The following ERC2 variants were observed in gnomAD, a reference collection of about 807,000 sequenced individuals.
The protein encoded by ERC2 is ERC protein 2.
Under a neutral mutation model 114.8 loss-of-function variants are expected in ERC2, and 42 were observed. That is an observed-to-expected ratio of 0.37 (90% CI 0.29 to 0.47). ERC2 has a LOEUF of 0.47. ERC2 is among the 20% of genes least tolerant of loss of function. ERC2 has a pLI of 0.99. For synonymous variants in ERC2, 454 were observed against 425.5 expected (o/e 1.07, Z -0.82); for missense variants, 939 against 1,150.7 (o/e 0.82, Z 2.66).
At chr3:56,091,210 G>A (rs2077769753) in intron 6 of ERC2, among the ~76,000 whole-genome samples, 1 of 152,094 alleles carries the variant, frequency 6.6e-6, no homozygotes, top group South Asian at 2.1e-4. Context: ...GATGGAGGTG[G>A]TGGAGAGGGG....
At chr3:56,346,647 C>T (rs149225925) in intron 2 of ERC2, among the ~76,000 whole-genome samples, 3 of 152,310 alleles carry the variant, frequency 2.0e-5, no homozygotes, top group African/African-American at 7.2e-5. Context: ...ATGGGCTATA[C>T]AGTTTGTCAA....
At chr3:56,029,637 A>C (rs570081400) in intron 7 of ERC2, among the ~76,000 whole-genome samples, 2 of 152,086 alleles carry the variant, frequency 1.3e-5, no homozygotes, top group Non-Finnish European at 2.9e-5. Flanking sequence ...GTATTCTTCT[A>C]TTAGGTTGCT....
intron 2 of ERC2, among the ~76,000 whole-genome samples, chr3:56,350,929 T>C (rs1288035404): frequency 6.6e-6 from 1 of 152,204 alleles, no homozygotes; most frequent in Non-Finnish European, 1.5e-5. Flanking sequence ...GCAGGCTTTA[T>C]GTAAATTTTA....
intron 17 of ERC2, among the ~76,000 whole-genome samples, chr3:55,603,643 C>CAAAAAAA (rs34016147): frequency 1.5e-5 from 1 of 67,384 alleles, no homozygotes; most frequent in Non-Finnish European, 3.0e-5. Flanking sequence ...GACTCTGTCT[C>CAAAAAAA]AAAAAAAAAA....
At chr3:56,025,173 T>C (rs945502546) in intron 7 of ERC2, among the ~76,000 whole-genome samples, 1 of 152,206 alleles carries the variant, frequency 6.6e-6, no homozygotes, top group African/African-American at 2.4e-5. Flanking sequence ...TTTTGCAGAA[T>C]GCCAAGGATG....
intron 17 of ERC2, among the ~76,000 whole-genome samples, chr3:55,527,789 C>G (rs1046155098): frequency 5.3e-5 from 8 of 152,138 alleles, no homozygotes; most frequent in Non-Finnish European, 8.8e-5. Context: ...GAGCTAAAAA[C>G]TATAGGATGG....
intron 12 of ERC2, among the ~76,000 whole-genome samples, chr3:55,956,698 A>G (rs9812727): frequency 0.89 from 135,368 of 152,160 alleles, 60,327 homozygotes; most frequent in East Asian, 1. Flanking sequence ...GCCAGATCTC[A>G]TGGACTTTTG....
At chr3:55,663,823 C>T (rs1307154404) in intron 17 of ERC2, among the ~76,000 whole-genome samples, 5 of 152,068 alleles carry the variant, frequency 3.3e-5, no homozygotes, top group African/African-American at 7.2e-5. Flanking sequence ...CCACACTGTC[C>T]CCCAGGACTC....
chr3:56,058,592 A>T (rs554535415), intron 7 of ERC2, among the ~76,000 whole-genome samples: 2 of 152,334 alleles, frequency 1.3e-5, no homozygotes, highest in African/African-American at 4.8e-5. Flanking sequence ...GTGGACTTTA[A>T]GTAAGCAGAT....
intron 6 of ERC2, among the ~76,000 whole-genome samples, chr3:56,093,106 C>A (rs113287639): frequency 3.9e-5 from 6 of 152,198 alleles, no homozygotes; most frequent in African/African-American, 1.4e-4. Flanking sequence ...AGGGTTAAAC[C>A]CATGTTTTAG....
rs1448813882 is a variant in ERC2 at position 55,764,912 on chromosome 3, G to A, written c.2565-29994C>T. Among the ~76,000 whole-genome samples, 4 of 152,128 alleles carry A rather than the reference G, an allele frequency of 2.6e-5. No individual in the cohort carries two copies. In the East Asian group the frequency reaches 7.7e-4, roughly 29 times the overall value. ...TATGCAGTGGTGAGGCTCATTTTTG[G>A]TGGGGATTTTCTTCTTTTTTTGGCA... On this transcript the variant is annotated intron_variant, in intron 14 of 17. Coordinates refer to ENST00000288221, the MANE Select transcript of ERC2 (RefSeq NM_015576.3).
chr3:56,133,477 A>G (rs987530962), intron 6 of ERC2, among the ~76,000 whole-genome samples: 10 of 152,294 alleles, frequency 6.6e-5, no homozygotes, highest in African/African-American at 2.2e-4. Flanking sequence ...ATTAAAAGAG[A>G]TAAGTCATCT....
intron 2 of ERC2, among the ~76,000 whole-genome samples, chr3:56,304,620 T>C (rs989129265): frequency 1.3e-5 from 2 of 152,170 alleles, no homozygotes; most frequent in Non-Finnish European, 2.9e-5. Flanking sequence ...CGATGAGTAT[T>C]ATTAGCAAGT....
chr3:55,552,766 T>TG (rs1281436564), intron 17 of ERC2, among the ~76,000 whole-genome samples: 1 of 151,934 alleles, frequency 6.6e-6, no homozygotes, highest in Non-Finnish European at 1.5e-5. Flanking sequence ...AGTTCTCCTC[T>TG]AGGGAGAAGA....
In ERC2 at chr3:56,032,959, CAGAAAGAAAGAAAGAAAG is replaced by C. The variant is rs2074508582; in HGVS notation, c.1642-13946_1642-13929del. Among the ~76,000 whole-genome samples, 5 of 38,680 alleles carry C rather than the reference CAGAAAGAAAGAAAGAAAG, an allele frequency of 1.3e-4. 1 individual carries two copies. Among genetic ancestry groups the C allele is most frequent in the Admixed American group, 9.4e-4 (3 of 3,188 alleles). 25.4% of individuals were successfully genotyped at this position (38,680 alleles called of 152,430 possible). ...AGAAAGAAAGAAAGAAAGAAAGAAACAGAAAGAAAGAAAGAAAGAGAAAGAAAGAAAGAAAGAAAGAAA... is the reference window on the plus strand; with the variant it reads ...AGAAAGAAAGAAAGAAAGAAAGAAACAGAAAGAAAGAAAGAAAGAAAGAAA... On this transcript the variant is annotated intron_variant, in intron 7 of 17. Transcript: ENST00000288221.
At chr3:56,121,176 T>A (rs2079552316) in intron 6 of ERC2, among the ~76,000 whole-genome samples, 1 of 152,186 alleles carries the variant, frequency 6.6e-6, no homozygotes, top group Admixed American at 6.5e-5. Flanking sequence ...GATATAAAAA[T>A]TTACTAAGAC....
At chr3:55,860,074 C>T (rs759626172) in intron 14 of ERC2, among the ~76,000 whole-genome samples, 1 of 152,110 alleles carries the variant, frequency 6.6e-6, no homozygotes, top group Non-Finnish European at 1.5e-5. Flanking sequence ...CTCTCCCACC[C>T]GAAGGTTTTA....
At chr3:55,687,729 C>T (rs936143833) in intron 16 of ERC2, among the ~76,000 whole-genome samples, 13 of 152,168 alleles carry the variant, frequency 8.5e-5, no homozygotes, top group Admixed American at 2.6e-4. Context: ...GACTTTGCAA[C>T]GTTTGGCTGC....
At chr3:56,081,637 T>C (rs1393849677) in intron 6 of ERC2, among the ~76,000 whole-genome samples, 1 of 151,820 alleles carries the variant, frequency 6.6e-6, no homozygotes, top group Non-Finnish European at 1.5e-5. Flanking sequence ...TTAAAAAAAA[T>C]ATAATTCCTG....
Sources: gnomAD v4.1 joint callset for allele counts (sites outside exome capture counted in the v4.1 genomes callset) on GRCh38, gnomAD v4.1.1 for gene constraint, MANE v1.5 for transcripts, NCBI Gene and HGNC (gene_info 2026-07-23, HGNC 2026-07-21) for gene names.